Variants in SPTB observed in about 807,000 individuals in gnomAD.
SPTB encodes the protein spectrin beta chain, erythrocytic.
A neutral mutation model predicts 256.2 loss-of-function variants in SPTB; 45 were observed. The observed-to-expected ratio is 0.18, with a 90% CI of 0.14 to 0.23. SPTB has a LOEUF of 0.23. SPTB is among the 10% of genes least tolerant of loss of function. The pLI is 1.00. For synonymous variants in SPTB, 1,231 were observed against 1,243.1 expected (o/e 0.99, Z 0.21); for missense variants, 2,715 against 3,040.4 (o/e 0.89, Z 2.52).
At chr14:64,855,537 T>G (rs1166114019) in intron 1 of SPTB, among the ~76,000 whole-genome samples, 1 of 6,184 alleles carries the variant, frequency 1.6e-4, no homozygotes, top group Non-Finnish European at 9.6e-4. Flanking sequence ...AATCTTTTCA[T>G]ATACGTTGAC....
rs757154705 is a variant in SPTB at position 64,827,587 on chromosome 14, C to T, written c.-51-4442G>A. Among the ~76,000 whole-genome samples, 7 of 152,120 alleles carry T rather than the reference C, an allele frequency of 4.6e-5. No individual in the cohort carries two copies. The highest frequency in any genetic ancestry group is 1.0e-4 in the Non-Finnish European group (7 of 68,022). On this transcript the variant is annotated intron_variant, in intron 1 of 35. Coordinates refer to ENST00000644917, the MANE Select transcript of SPTB (RefSeq NM_001355436.2). This position sits in a 1 kb window ranked among gnomAD's most constrained non-coding sequence, Gnocchi z 4.6. ...TGTCAATCCATCACCAAAAAAGGAA[C>T]ATCCTTCCTCTCCCTCTGATCATAA... is the stretch of plus-strand genomic sequence containing the variant.
chr14:64,768,120 C>G (rs2082219614), intron 29 of SPTB: 2 of 528,746 alleles, frequency 3.8e-6, no homozygotes, highest in South Asian at 4.0e-5. Flanking sequence ...TGGCTCATGG[C>G]AGCCTCAGCC....
chr14:64,785,351 GAA>G lies in SPTB; in HGVS notation c.3855+184_3855+185del, dbSNP rs758712966. 7.1e-6 allele frequency among the ~76,000 whole-genome samples: 1 copy of G among 140,860 alleles called. No homozygotes were observed. Among genetic ancestry groups the G allele is most frequent in the Non-Finnish European group, 1.6e-5 (1 of 64,340 alleles). 92.4% of individuals were successfully genotyped at this position (140,860 alleles called of 152,430 possible). A position where few individuals can be genotyped will look rare whatever the true frequency, so the allele number is the denominator to read the frequency against. On this transcript the variant is annotated intron_variant, in intron 18 of 35. Transcript: ENST00000644917. The surrounding 1 kb of genome is among the most constrained non-coding windows in gnomAD (Gnocchi z 4.4). ...AGGTTAAGGATGACTTTTCAGATTT[GAA>G]AAAAAAAAAACAGTGCAACTGAAGA...
At chr14:64,838,919 G>A (rs890203509) in intron 1 of SPTB, among the ~76,000 whole-genome samples, 1 of 152,054 alleles carries the variant, frequency 6.6e-6, no homozygotes, top group African/African-American at 2.4e-5. Context: ...GATCACCTGA[G>A]GTAAGAAGTT....
intron 1 of SPTB, among the ~76,000 whole-genome samples, chr14:64,846,757 T>A (rs1226840688): frequency 6.6e-6 from 1 of 152,206 alleles, no homozygotes; most frequent in Non-Finnish European, 1.5e-5. Context: ...CTTGTTTAAA[T>A]TGGGTCTAAA....
Position 64,822,956 on chromosome 14 carries a change from C to T in SPTB, c.139G>A (p.Ala47Thr), listed in dbSNP as rs1336011098. The change falls in exon 2 of 36, where the codon GCC (alanine) becomes ACC (threonine). Residue 47 changes from alanine (A) to threonine (T), a missense_variant. Around this residue, in one of 4 missense-constraint regions of SPTB, gnomAD observed 58 missense variants for 67.9 expected, o/e 0.85. Transcript: ENST00000644917. ...TGGCCCCAAACAGTACCTGCCAAGG[C>T]CTTTATCCGGGACCTCTCAAAGAGC... ...ARLFERSRIK[A>T]LADEREVVQK... The T allele has an allele frequency of 6.2e-7, 1 of 1,613,558 alleles. No homozygotes were observed. Among genetic ancestry groups the T allele is most frequent in the East Asian group, 2.2e-5 (1 of 44,884 alleles).
intron 1 of SPTB, among the ~76,000 whole-genome samples, chr14:64,831,940 A>G (rs1464941316): frequency 6.6e-6 from 1 of 152,224 alleles, no homozygotes; most frequent in Non-Finnish European, 1.5e-5. Context: ...AATTAAAGGA[A>G]AACTCTTAAA....
chr14:64,799,978 C>A, intron 8 of SPTB, 44 bp from the exon 9 acceptor site: 1 of 1,603,504 alleles, frequency 6.2e-7, no homozygotes. Context: ...AAGGGCAATG[C>A]CACCACTGAG....
At chr14:64,773,533 G>T in intron 24 of SPTB, 109 bp from the exon 25 acceptor site, 1 of 1,179,648 alleles carries the variant, frequency 8.5e-7, no homozygotes, top group Non-Finnish European at 1.3e-6. Flanking sequence ...GGGATAGGTA[G>T]GGAGTGAAGC....
intron 1 of SPTB, among the ~76,000 whole-genome samples, chr14:64,839,993 T>C (rs2083581830): frequency 6.6e-6 from 1 of 152,244 alleles, no homozygotes; most frequent in Non-Finnish European, 1.5e-5. Flanking sequence ...GTAAACAATG[T>C]CTATCAGAAA....
rs1276677543 is a variant in SPTB, at chr14:64,749,196, C to T, written c.*110G>A. 6 of 1,371,498 alleles carry T rather than the reference C, an allele frequency of 4.4e-6. 1 individual carries two copies. The highest frequency in any genetic ancestry group is 3.8e-5 in the South Asian group (3 of 78,980). The allele number at this position is 1,371,498 out of a possible 1,614,324, so 85.0% of individuals were successfully genotyped here. ...GCGTGGGGCCCGGGGGCCCGGCCCG[C>T]GACTCGACTCATCTCGATTCGACCG... On this transcript the variant is annotated 3_prime_UTR_variant, in exon 36 of 36. Transcript: ENST00000644917. This position sits in a 1 kb window ranked among gnomAD's most constrained non-coding sequence, Gnocchi z 4.7.
At chr14:64,860,300 T>C (rs1417121363) in intron 1 of SPTB, among the ~76,000 whole-genome samples, 1 of 152,222 alleles carries the variant, frequency 6.6e-6, no homozygotes, top group Non-Finnish European at 1.5e-5. Context: ...AGCCCTTTTG[T>C]TTCCCCTAAA....
rs187652375 is a variant in SPTB, at chr14:64,781,151, G to A, written c.4266+1139C>T. On this transcript the variant is annotated intron_variant, in intron 20 of 35. Coordinates refer to ENST00000644917, the MANE Select transcript of SPTB (RefSeq NM_001355436.2). ...AGACAACCTAGGCAATATCATCCTG[G>A]ACATAGGAATGGGCAAAGATTTCAT... Among the ~76,000 whole-genome samples the A allele has an allele frequency of 2.5e-4, 38 of 152,266 alleles. No individual in the cohort carries two copies. In the East Asian group the frequency reaches 5.4e-3, roughly 22 times the overall value.
rs950096379 is a variant in SPTB at position 64,806,889 on chromosome 14, A to G, written c.149-1799T>C. 1.3e-5 allele frequency among the ~76,000 whole-genome samples: 2 copies of G among 152,246 alleles called. No homozygotes were observed. The highest frequency in any genetic ancestry group is 2.4e-5 in the African/African-American group (1 of 41,468). On this transcript the variant is annotated intron_variant, in intron 2 of 35. Transcript: ENST00000644917. This position sits in a 1 kb window ranked among gnomAD's most constrained non-coding sequence, Gnocchi z 4.1. ...ACTACTGACTGTGAATCCTAAATAC[A>G]TGTAAAATTTAAACGGCATTCATTT... is the stretch of plus-strand genomic sequence containing the variant.
chr14:64,766,662 A>G, intron 32 of SPTB, 64 bp downstream of exon 32: 1 of 1,613,074 alleles, frequency 6.2e-7, no homozygotes, highest in South Asian at 1.1e-5. Context: ...TGAGCCTAGT[A>G]GGGGTGAGAG....
rs1024996523 is a variant in SPTB at position 64,822,960 on chromosome 14, T to C, written c.135A>G (p.Ile45Met). 2 of 1,613,638 alleles carry C rather than the reference T, an allele frequency of 1.2e-6. No homozygotes were observed. The highest frequency in any genetic ancestry group is 3.3e-5 in the Admixed American group (2 of 60,036). The stretch of plus-strand genomic sequence containing the variant: ...CCCAAACAGTACCTGCCAAGGCCTT[T>C]ATCCGGGACCTCTCAAAGAGCCTGG... ...SSARLFERSR[I>M]KALADEREVV... The change falls in exon 2 of 36, where the codon ATA becomes ATG. Residue 45 changes from isoleucine (I) to methionine (M), a missense_variant. Around this residue, in one of 4 missense-constraint regions of SPTB, gnomAD observed 58 missense variants for 67.9 expected, o/e 0.85. Coordinates refer to ENST00000644917, the MANE Select transcript of SPTB (RefSeq NM_001355436.2).
At chr14:64,848,891 A>C (rs1460539838) in intron 1 of SPTB, among the ~76,000 whole-genome samples, 1 of 152,226 alleles carries the variant, frequency 6.6e-6, no homozygotes, top group African/African-American at 2.4e-5. Context: ...TTGACTTTTA[A>C]TGAGCACCTA....
In SPTB at chr14:64,748,248, C is replaced by G. The variant is rs937320910; in HGVS notation, c.*1058G>C. ...TGCCCAGCCATTACCCTCCAAAGTCCCAGCTGCAGACAGGATGCAATTGAG... is the reference window on the plus strand; with the variant it reads ...TGCCCAGCCATTACCCTCCAAAGTCGCAGCTGCAGACAGGATGCAATTGAG... On this transcript the variant is annotated 3_prime_UTR_variant, in exon 36 of 36. Coordinates refer to ENST00000644917, the MANE Select transcript of SPTB (RefSeq NM_001355436.2). The G allele has an allele frequency of 2.7e-5, 4 of 149,710 alleles. No individual in the cohort carries two copies. Among genetic ancestry groups the G allele is most frequent in the Non-Finnish European group, 5.9e-5 (4 of 68,004 alleles). The allele number at this position is 149,710 out of a possible 1,614,324, so 9.3% of individuals were successfully genotyped here.
Position 64,786,055 on chromosome 14 carries a change from G to C in SPTB, c.3562-104C>G. ...CGTGCAGCCACACAGGCCACGGTATGAATGAGCCCCCTAGAGTAGTACAGG... is the reference window on the plus strand; with the variant it reads ...CGTGCAGCCACACAGGCCACGGTATCAATGAGCCCCCTAGAGTAGTACAGG... On this transcript the variant is annotated intron_variant, in intron 16 of 35. Transcript: ENST00000644917. The surrounding 1 kb of genome is among the most constrained non-coding windows in gnomAD (Gnocchi z 5.6). 1.7e-6 allele frequency: 2 copies of C among 1,183,516 alleles called. No individual in the cohort carries two copies. The highest frequency in any genetic ancestry group is 1.2e-5 in the South Asian group (1 of 81,346). The allele number at this position is 1,183,516 out of a possible 1,614,324, so 73.3% of individuals were successfully genotyped here.
Sources: allele counts gnomAD v4.1 joint callset (sites outside exome capture counted in the v4.1 genomes callset), GRCh38; gene constraint gnomAD v4.1.1; regional missense constraint gnomAD v4.1.1; non-coding constraint Gnocchi (gnomAD v3.1); transcripts MANE v1.5; gene names NCBI Gene and HGNC (gene_info 2026-07-23, HGNC 2026-07-21).